CRMP1: variants seen among roughly 807,000 people sequenced by gnomAD.
The protein encoded by CRMP1 is dihydropyrimidinase-related protein 1.
A neutral mutation model predicts 68.3 loss-of-function variants in CRMP1; 19 were observed. That is an observed-to-expected ratio of 0.28 (90% CI 0.19 to 0.41). The LOEUF is 0.41. Among genes scored for constraint, CRMP1 ranks in the 10% least tolerant of loss-of-function variants. CRMP1 has a pLI of 1.00. For synonymous variants in CRMP1, 439 were observed against 399.6 expected (o/e 1.10, Z -1.18); for missense variants, 791 against 967.4 (o/e 0.82, Z 2.42).
chr4:5,848,283 G>A (rs1389635904), intron 6 of CRMP1, among the ~76,000 whole-genome samples: 1 of 152,046 alleles, frequency 6.6e-6, no homozygotes, highest in African/African-American at 2.4e-5. Flanking sequence ...GATAATGGCT[G>A]TATTCTCACC....
At chr4:5,835,793 G>C (rs746917082) in intron 11 of CRMP1, 122 bp downstream of exon 11, 216 of 1,165,084 alleles carry the variant, frequency 1.9e-4, no homozygotes, top group Non-Finnish European at 2.3e-4. Context: ...GAATGACTGA[G>C]TCAGGCTAGA....
rs1715962141 is a variant in CRMP1 at position 5,891,780 on chromosome 4, TGA to T, written c.381+807_381+808del. Among the ~76,000 whole-genome samples, 1 of 152,200 alleles carries T rather than the reference TGA, an allele frequency of 6.6e-6. No homozygotes were observed. The highest frequency in any genetic ancestry group is 1.5e-5 in the Non-Finnish European group (1 of 68,032). ...CGCCCTTCTTCCCCCAGTTTCCTGGTGACCCCCAGCTCAAGAGAGAATACCCG... is the reference window on the plus strand; with the variant it reads ...CGCCCTTCTTCCCCCAGTTTCCTGGTCCCCCAGCTCAAGAGAGAATACCCG... On this transcript the variant is annotated intron_variant, in intron 1 of 13. Coordinates refer to ENST00000324989, the MANE Select transcript of CRMP1 (RefSeq NM_001014809.3). The surrounding 1 kb of genome is among the most constrained non-coding windows in gnomAD (Gnocchi z 5.2).
At chr4:5,876,794 C>T (rs936038195) in intron 1 of CRMP1, among the ~76,000 whole-genome samples, 1 of 151,400 alleles carries the variant, frequency 6.6e-6, no homozygotes, top group East Asian at 1.9e-4. Context: ...AGCTGGTCCT[C>T]AGAATGCCCT....
rs1711682487 is a variant in CRMP1 at position 5,841,030 on chromosome 4, A to G, written c.1153+278T>C. On this transcript the variant is annotated intron_variant, in intron 8 of 13. Transcript: ENST00000324989. The surrounding 1 kb of genome is among the most constrained non-coding windows in gnomAD (Gnocchi z 6.9). ...ATCATGCAAAATATTAATGATTTTT[A>G]CATTGATGACATGCTGAATTAATAT... Among the ~76,000 whole-genome samples the G allele has an allele frequency of 6.6e-6, 1 of 152,258 alleles. No homozygotes were observed. The highest frequency in any genetic ancestry group is 2.1e-4 in the South Asian group (1 of 4,834).
Position 5,883,507 on chromosome 4 carries a change from G to C in CRMP1, c.381+9082C>G, listed in dbSNP as rs987627940. Among the ~76,000 whole-genome samples, 4 of 152,050 alleles carry C rather than the reference G, an allele frequency of 2.6e-5. No homozygotes were observed. Among genetic ancestry groups the C allele is most frequent in the African/African-American group, 7.2e-5 (3 of 41,382 alleles). The stretch of plus-strand genomic sequence containing the variant: ...GTAGAGACAGGGTTTCACCATGTTG[G>C]CCAGGCTGGTCTCAAACTCTTGACC... On this transcript the variant is annotated intron_variant, in intron 1 of 13. Coordinates refer to ENST00000324989, the MANE Select transcript of CRMP1 (RefSeq NM_001014809.3). This position sits in a 1 kb window ranked among gnomAD's most constrained non-coding sequence, Gnocchi z 4.5.
chr4:5,831,853 C>T (rs73079545), intron 11 of CRMP1, among the ~76,000 whole-genome samples: 1 of 152,134 alleles, frequency 6.6e-6, no homozygotes, highest in East Asian at 1.9e-4. Context: ...ATGAAAAAAC[C>T]TCTTGCCATC....
Position 5,892,908 on chromosome 4 carries a change from G to A in CRMP1, c.62C>T (p.Pro21Leu), listed in dbSNP as rs1273840389. The A allele has an allele frequency of 1.8e-5, 24 of 1,357,546 alleles. No individual in the cohort carries two copies. Among genetic ancestry groups the A allele is most frequent in the Non-Finnish European group, 2.3e-5 (24 of 1,048,210 alleles). The allele number at this position is 1,357,546 out of a possible 1,614,324, so 84.1% of individuals were successfully genotyped here. A position where few individuals can be genotyped will look rare whatever the true frequency, so the allele number is the denominator to read the frequency against. Residue 21 changes from proline to leucine, a missense_variant, in exon 1 of 14, where the codon CCG (proline) becomes CTG (leucine). Pro to Leu is a moderately conservative substitution (Grantham distance 98, BLOSUM62 -3). Around this residue, in one of 3 missense-constraint regions of CRMP1, gnomAD observed 193 missense variants for 186.3 expected, o/e 1.04. Transcript: ENST00000324989. The surrounding 1 kb of genome is among the most constrained non-coding windows in gnomAD (Gnocchi z 8.6). ...GCGCGGGGTCTGCGCCGCGCTGCCC[G>A]GCCGCGCCAGGTACACGGGCAGGTC... ...EDDLPVYLAR[P>L]GSAAQTPRQK... is the part of the protein sequence containing the mutation.
rs1719380140 is a variant in CRMP1 at position 5,825,356 on chromosome 4, G to C, written c.1969+138C>G. 1 of 1,428,618 alleles carries C rather than the reference G, an allele frequency of 7.0e-7. No homozygotes were observed. Among genetic ancestry groups the C allele is most frequent in the South Asian group, 1.7e-5 (1 of 59,546 alleles). The allele number at this position is 1,428,618 out of a possible 1,614,324, so 88.5% of individuals were successfully genotyped here. A position where few individuals can be genotyped will look rare whatever the true frequency, so the allele number is the denominator to read the frequency against. On this transcript the variant is annotated intron_variant, in intron 13 of 13. Coordinates refer to ENST00000324989, the MANE Select transcript of CRMP1 (RefSeq NM_001014809.3). The surrounding 1 kb of genome is among the most constrained non-coding windows in gnomAD (Gnocchi z 4.4). ...CACTCTGCCCCACCAGTGAGAGCAG[G>C]CTCGGGTGGGGCACACTCCCTTCCC...
chr4:5,843,584 C>T lies in CRMP1; in HGVS notation c.964-423G>A, dbSNP rs141118353. On this transcript the variant is annotated intron_variant, in intron 6 of 13. Coordinates refer to ENST00000324989, the MANE Select transcript of CRMP1 (RefSeq NM_001014809.3). The surrounding 1 kb of genome is among the most constrained non-coding windows in gnomAD (Gnocchi z 4.1). ...TCTTTGATGTTGAAATCAAAGATCCCGAAACTGGGAGTCCAGATCCAGAAC... is the reference window on the plus strand; with the variant it reads ...TCTTTGATGTTGAAATCAAAGATCCTGAAACTGGGAGTCCAGATCCAGAAC... Among the ~76,000 whole-genome samples the T allele has an allele frequency of 2.0e-4, 30 of 152,164 alleles. No individual in the cohort carries two copies. In the East Asian group the frequency reaches 4.6e-3, roughly 24 times the overall value.
At position 5,846,757 on chromosome 4, in the gene CRMP1, ATTTTTTTTTTTTTTTTTTTTT is replaced by A. The variant is rs71171490; in HGVS notation, c.963+2614_963+2634del. ...AGGCACCCGCCACCATGCCCGGCTA[ATTTTTTTTTTTTTTTTTTTTT>A]TTTTTTTTTTTTTTTTAGTAGAGGC... On this transcript the variant is annotated intron_variant, in intron 6 of 13. Transcript: ENST00000324989. Among the ~76,000 whole-genome samples the A allele has an allele frequency of 3.2e-4, 17 of 53,738 alleles. No individual in the cohort carries two copies. The East Asian group carries it at 3.4e-3, about 11-fold the overall frequency. The allele number at this position is 53,738 out of a possible 152,430, so 35.3% of individuals were successfully genotyped here. A position where few individuals can be genotyped will look rare whatever the true frequency, so the allele number is the denominator to read the frequency against.
chr4:5,863,212 C>A (rs183967639), intron 2 of CRMP1, among the ~76,000 whole-genome samples: 24 of 151,514 alleles, frequency 1.6e-4, no homozygotes, highest in Admixed American at 1.6e-3. Context: ...GCCATCTCTG[C>A]AGCCAGAGGC....
intron 1 of CRMP1, among the ~76,000 whole-genome samples, chr4:5,880,335 C>T (rs1035082021): frequency 5.3e-5 from 8 of 152,134 alleles, no homozygotes; most frequent in Non-Finnish European, 1.2e-4. Flanking sequence ...AGAAATCAAA[C>T]ATTTGCTGAG....
chr4:5,861,259 A>C lies in CRMP1; in HGVS notation c.471-49T>G. On this transcript the variant is annotated intron_variant, in intron 2 of 13. Coordinates refer to ENST00000324989, the MANE Select transcript of CRMP1 (RefSeq NM_001014809.3). The surrounding 1 kb of genome is among the most constrained non-coding windows in gnomAD (Gnocchi z 6.0). ...CCTTGGTTCTTAAAGGAAAAGTAGA[A>C]TGGGCAGTCAACCCGCAGCTTCAGT... 6.4e-7 allele frequency: 1 copy of C among 1,569,658 alleles called. No individual in the cohort carries two copies. Among genetic ancestry groups the C allele is most frequent in the East Asian group, 2.2e-5 (1 of 44,502 alleles).
chr4:5,862,618 C>A (rs1382441093), intron 2 of CRMP1, among the ~76,000 whole-genome samples: 1 of 152,198 alleles, frequency 6.6e-6, no homozygotes, highest in Non-Finnish European at 1.5e-5. Flanking sequence ...GGGTCGCACC[C>A]CAAATGCCAT....
chr4:5,868,253 CTATATATCTATATA>C lies in CRMP1; in HGVS notation c.382-1511_382-1498del, dbSNP rs1272869209. Among the ~76,000 whole-genome samples the C allele has an allele frequency of 5.3e-4, 44 of 83,132 alleles. 1 individual carries two copies. Among genetic ancestry groups the C allele is most frequent in the Middle Eastern group, 6.2e-3 (1 of 162 alleles). The allele number at this position is 83,132 out of a possible 152,430, so 54.5% of individuals were successfully genotyped here. On this transcript the variant is annotated intron_variant, in intron 1 of 13. Coordinates refer to ENST00000324989, the MANE Select transcript of CRMP1 (RefSeq NM_001014809.3). Reference sequence around the variant, plus strand: ...CCAACTTGCCGCACATTCTTCATGACTATATATCTATATATATATATATATATATATATATATAT... The same window carrying C: ...CCAACTTGCCGCACATTCTTCATGACTATATATATATATATATATATATAT...
At chr4:5,884,498 G>A (rs1332278500) in intron 1 of CRMP1, among the ~76,000 whole-genome samples, 3 of 78,894 alleles carry the variant, frequency 3.8e-5, no homozygotes, top group Non-Finnish European at 8.8e-5. Flanking sequence ...ACACACACGG[G>A]CAGTGGTTTT....
chr4:5,841,493 T>C lies in CRMP1; in HGVS notation c.1033-65A>G. 6.3e-7 allele frequency: 1 copy of C among 1,596,764 alleles called. No homozygotes were observed. The highest frequency in any genetic ancestry group is 8.6e-7 in the Non-Finnish European group (1 of 1,169,060). On this transcript the variant is annotated intron_variant, in intron 7 of 13. Coordinates refer to ENST00000324989, the MANE Select transcript of CRMP1 (RefSeq NM_001014809.3). The surrounding 1 kb of genome is among the most constrained non-coding windows in gnomAD (Gnocchi z 6.9). ...GTGTAACAGCTACCACCCATCTCCATTTTCCTTAATTGAATGTGATCAGAA... is the reference window on the plus strand; with the variant it reads ...GTGTAACAGCTACCACCCATCTCCACTTTCCTTAATTGAATGTGATCAGAA...
chr4:5,856,475 TCAC>T (rs1490502117), intron 3 of CRMP1, among the ~76,000 whole-genome samples, 168 bp from the exon 4 acceptor site: 1 of 151,480 alleles, frequency 6.6e-6, no homozygotes, highest in Non-Finnish European at 1.5e-5. Flanking sequence ...ACCATCATTA[TCAC>T]CACCACAATC....
chr4:5,882,715 A>G (rs1157722503), intron 1 of CRMP1, among the ~76,000 whole-genome samples: 1 of 152,230 alleles, frequency 6.6e-6, no homozygotes, highest in Non-Finnish European at 1.5e-5. Flanking sequence ...TTCAGAATCC[A>G]CATTCCTACA....
Sources: gnomAD v4.1 joint callset for allele counts (sites outside exome capture counted in the v4.1 genomes callset) on GRCh38, gnomAD v4.1.1 for gene constraint, gnomAD v4.1.1 regional missense constraint, Gnocchi (gnomAD v3.1) non-coding constraint, MANE v1.5 for transcripts, NCBI Gene and HGNC (gene_info 2026-07-23, HGNC 2026-07-21) for gene names.